Variants in ITGBL1 observed in about 807,000 individuals in gnomAD.
ITGBL1 encodes integrin subunit beta like 1.
A neutral mutation model predicts 68.5 loss-of-function variants in ITGBL1; 51 were observed. That is an observed-to-expected ratio of 0.74 (90% CI 0.59 to 0.94). ITGBL1 has a LOEUF of 0.94. Ranked by LOEUF, ITGBL1 falls within the 40% of genes least tolerant of loss-of-function variation. ITGBL1 has a pLI of 0.00. For synonymous variants in ITGBL1, 209 were observed against 227.3 expected, an observed-to-expected ratio of 0.92 and a Z score of 0.72; for missense variants, 649 against 647.4, an observed-to-expected ratio of 1.00 and a Z score of -0.03.
intron 2 of ITGBL1, among the ~76,000 whole-genome samples, chr13:101,462,171 G>A (rs972610774): frequency 1.3e-5 from 2 of 152,090 alleles, no homozygotes; most frequent in Non-Finnish European, 2.9e-5. Flanking sequence ...TTCTCACACC[G>A]CTGTCTCCCA....
chr13:101,716,997 T>C (rs1471278699), downstream of ITGBL1: 1 of 152,062 alleles, frequency 6.6e-6, no homozygotes, highest in African/African-American at 2.4e-5. Flanking sequence ...CAACCTTTAA[T>C]TATTTAGAGC....
chr13:101,630,114 G>C (rs755176215), intron 7 of ITGBL1, among the ~76,000 whole-genome samples: 5 of 152,200 alleles, frequency 3.3e-5, no homozygotes, highest in African/African-American at 1.2e-4. Context: ...GAGCCACCGC[G>C]CCTGGCCTTA....
At chr13:101,704,259 A>G (rs546442892) in intron 8 of ITGBL1, among the ~76,000 whole-genome samples, 2 of 152,174 alleles carry the variant, frequency 1.3e-5, no homozygotes, top group South Asian at 2.1e-4. Flanking sequence ...GACCCTGCCT[A>G]TGTAGCTCTG....
rs955383190 is a variant in ITGBL1, at chr13:101,523,863, C to T, written c.317-43836C>T. On this transcript the variant is annotated intron_variant, in intron 2 of 10. Transcript: ENST00000376180. ...ATTCAGGACCAGCTGGTAGAAAGGA[C>T]GGACATTTCATGCTGCCATGAGCAA... 5.3e-5 allele frequency among the ~76,000 whole-genome samples: 8 copies of T among 152,156 alleles called. No homozygotes were observed. The East Asian group carries it at 1.2e-3, about 22-fold the overall frequency.
At chr13:101,605,939 T>C (rs976523456) in intron 7 of ITGBL1, among the ~76,000 whole-genome samples, 4 of 148,704 alleles carry the variant, frequency 2.7e-5, no homozygotes, top group African/African-American at 7.4e-5. Context: ...TGTATGCGTG[T>C]ATGTGTATAT....
At chr13:101,462,958 T>G (rs2048337227) in intron 2 of ITGBL1, among the ~76,000 whole-genome samples, 1 of 152,204 alleles carries the variant, frequency 6.6e-6, no homozygotes, top group African/African-American at 2.4e-5. Context: ...GCCCAACAGT[T>G]GCCTGCATTC....
At chr13:101,719,101 T>C (rs1256546953), downstream of ITGBL1, 10 of 152,178 alleles carry the variant, frequency 6.6e-5, no homozygotes, top group Admixed American at 6.6e-4. Context: ...CAATGTGGTC[T>C]CTTTTTGAAT....
In ITGBL1 at chr13:101,583,435, TAGAA is replaced by T. The variant is rs929405434; in HGVS notation, c.868+84_868+87del. 29 of 1,115,318 alleles carry T rather than the reference TAGAA, an allele frequency of 2.6e-5. No homozygotes were observed. The East Asian group carries it at 3.4e-4, about 13-fold the overall frequency. The allele number at this position is 1,115,318 out of a possible 1,614,324, so 69.1% of individuals were successfully genotyped here. On this transcript the variant is annotated intron_variant, in intron 6 of 10. Coordinates refer to ENST00000376180, the MANE Select transcript of ITGBL1 (RefSeq NM_004791.3). ...TGGGTAAAAAAAAAAAAAAAGCAAT[TAGAA>T]AGAATAAATAAGACATACTGTTGGA...
rs544038357 is a variant in ITGBL1, at chr13:101,532,103, G to T, written c.317-35596G>T. ...ACATGCACATCTTAAAATAAGTTGT[G>T]TATCTGTATTTAAAGAACGAATTTT... On this transcript the variant is annotated intron_variant, in intron 2 of 10. Coordinates refer to ENST00000376180, the MANE Select transcript of ITGBL1 (RefSeq NM_004791.3). 1.6e-4 allele frequency among the ~76,000 whole-genome samples: 25 copies of T among 152,056 alleles called. 1 individual carries two copies. In the South Asian group the frequency reaches 5.2e-3, roughly 32 times the overall value.
chr13:101,551,150 A>G (rs559027911), intron 2 of ITGBL1, among the ~76,000 whole-genome samples: 74 of 152,300 alleles, frequency 4.9e-4, no homozygotes, highest in Non-Finnish European at 5.4e-4. Flanking sequence ...GTCAAAAGAC[A>G]AAGAAGCAAC....
chr13:101,534,451 T>A (rs2049535901), intron 2 of ITGBL1, among the ~76,000 whole-genome samples: 1 of 151,990 alleles, frequency 6.6e-6, no homozygotes. Flanking sequence ...TGGATCCAAA[T>A]CCAGGAGGAA....
chr13:101,653,601 A>G (rs1399509966), intron 7 of ITGBL1, among the ~76,000 whole-genome samples: 2 of 152,202 alleles, frequency 1.3e-5, no homozygotes, highest in African/African-American at 4.8e-5. Context: ...CTCCAAAAAC[A>G]TGTAAATAGG....
At chr13:101,571,369 G>T (rs113611859) in intron 3 of ITGBL1, among the ~76,000 whole-genome samples, 1 of 152,014 alleles carries the variant, frequency 6.6e-6, no homozygotes, top group African/African-American at 2.4e-5. Context: ...GTCGAATGAC[G>T]TGTTCATAAG....
intron 7 of ITGBL1, among the ~76,000 whole-genome samples, chr13:101,603,649 TAA>T (rs201410146): frequency 6.6e-6 from 1 of 150,848 alleles, no homozygotes; most frequent in Admixed American, 6.7e-5. Flanking sequence ...CCCAGACATG[TAA>T]AAAAAATGAC....
intron 2 of ITGBL1, among the ~76,000 whole-genome samples, chr13:101,499,450 G>A (rs1398718777): frequency 1.3e-5 from 2 of 152,194 alleles, no homozygotes; most frequent in African/African-American, 4.8e-5. Context: ...GTAGAAGGCA[G>A]TAGAAGTTTT....
intron 7 of ITGBL1, among the ~76,000 whole-genome samples, chr13:101,622,915 A>ATGTATGTGTGTG (rs2031639342): frequency 6.7e-6 from 1 of 148,404 alleles, no homozygotes; most frequent in Non-Finnish European, 1.5e-5. Flanking sequence ...TGGGGTATGT[A>ATGTATGTGTGTG]TGTGTGTGTG....
chr13:101,674,387 C>T (rs912056002), intron 7 of ITGBL1, among the ~76,000 whole-genome samples: 1 of 152,188 alleles, frequency 6.6e-6, no homozygotes, highest in African/African-American at 2.4e-5. Flanking sequence ...ACATGTTCTG[C>T]ATTGCTGTGC....
intron 2 of ITGBL1, among the ~76,000 whole-genome samples, chr13:101,486,962 A>T (rs761129307): frequency 4.5e-5 from 4 of 88,676 alleles, no homozygotes; most frequent in Admixed American, 1.3e-4. Flanking sequence ...GAAGAATTAT[A>T]AAAAAAATGT....
At chr13:101,544,066 C>T (rs760871506) in intron 2 of ITGBL1, among the ~76,000 whole-genome samples, 10 of 152,228 alleles carry the variant, frequency 6.6e-5, no homozygotes, top group Non-Finnish European at 1.5e-4. Flanking sequence ...CAAAGTCATT[C>T]TCCATCTAGC....
Sources: allele counts gnomAD v4.1 joint callset (sites outside exome capture counted in the v4.1 genomes callset), GRCh38; gene constraint gnomAD v4.1.1; transcripts MANE v1.5; gene names NCBI Gene and HGNC (gene_info 2026-07-23, HGNC 2026-07-21).